The following PDE7B variants were observed in gnomAD, a reference collection of about 807,000 sequenced individuals.
PDE7B encodes phosphodiesterase 7B.
A neutral mutation model predicts 56.2 loss-of-function variants in PDE7B; 29 were observed. The ratio of observed to expected loss-of-function variants is 0.52; its 90% CI spans 0.38 to 0.70. The LOEUF is 0.70. PDE7B is among the 30% of genes least tolerant of loss of function. PDE7B has a pLI of 0.00. For missense variants in PDE7B, 490 were observed against 565.0 expected (o/e 0.87, Z 1.35); for synonymous variants, 197 against 196.9 (o/e 1.00, Z 0.00).
At chr6:135,931,935 G>A (rs970540221) in intron 1 of PDE7B, among the ~76,000 whole-genome samples, 2 of 111,206 alleles carry the variant, frequency 1.8e-5, no homozygotes, top group Admixed American at 1.0e-4. Context: ...TTGTTACCGC[G>A]CACACACACA....
intron 2 of PDE7B, among the ~76,000 whole-genome samples, chr6:136,082,610 G>A (rs1009711052): frequency 2.6e-5 from 4 of 152,108 alleles, no homozygotes; most frequent in Admixed American, 6.5e-5. Flanking sequence ...CAAATGCCTC[G>A]GCTATGAATG....
intron 2 of PDE7B, among the ~76,000 whole-genome samples, chr6:136,062,669 C>T (rs978602632): frequency 5.6e-4 from 86 of 152,290 alleles, no homozygotes; most frequent in African/African-American, 1.8e-3. Context: ...ATTACAGGCA[C>T]GAGAAGAGCA....
At chr6:136,056,289 C>T (rs1776730091) in intron 2 of PDE7B, among the ~76,000 whole-genome samples, 2 of 152,260 alleles carry the variant, frequency 1.3e-5, no homozygotes, top group Admixed American at 6.5e-5. Flanking sequence ...TAATTAAGGG[C>T]CAGCCAAGAT....
intron 2 of PDE7B, among the ~76,000 whole-genome samples, chr6:135,952,195 T>A (rs2128200179): frequency 6.6e-6 from 1 of 152,256 alleles, no homozygotes; most frequent in South Asian, 2.1e-4. Flanking sequence ...CATCAATAAG[T>A]TGATGCATAA....
chr6:135,865,345 A>G (rs372480039), intron 1 of PDE7B, among the ~76,000 whole-genome samples: 2 of 152,140 alleles, frequency 1.3e-5, no homozygotes, highest in South Asian at 2.1e-4. Flanking sequence ...TCTGTATCTA[A>G]TCTGTCATTT....
intron 1 of PDE7B, among the ~76,000 whole-genome samples, chr6:135,862,417 C>G (rs1775167825): frequency 6.6e-6 from 1 of 151,734 alleles, no homozygotes; most frequent in Non-Finnish European, 1.5e-5. Context: ...ACTCATTACT[C>G]TGTTTCTGAA....
chr6:135,886,616 T>C (rs1191401307), intron 1 of PDE7B, among the ~76,000 whole-genome samples: 2 of 152,148 alleles, frequency 1.3e-5, no homozygotes, highest in Admixed American at 1.3e-4. Flanking sequence ...TGAGATTATA[T>C]GATATTTGCT....
At chr6:135,894,439 G>A (rs973044840) in intron 1 of PDE7B, among the ~76,000 whole-genome samples, 2 of 152,082 alleles carry the variant, frequency 1.3e-5, no homozygotes, top group East Asian at 3.8e-4. Context: ...ACACTTTTCC[G>A]TCTCAGGAAA....
At chr6:135,995,476 G>A (rs1775549610) in intron 2 of PDE7B, among the ~76,000 whole-genome samples, 1 of 152,196 alleles carries the variant, frequency 6.6e-6, no homozygotes, top group South Asian at 2.1e-4. Flanking sequence ...TAATCAGCCA[G>A]TGAAGACACT....
intron 1 of PDE7B, among the ~76,000 whole-genome samples, chr6:135,852,527 C>G (rs1774959213): frequency 1.3e-5 from 2 of 151,964 alleles, no homozygotes; most frequent in South Asian, 4.2e-4. Flanking sequence ...AGGGAAGAAG[C>G]TGATAGTGAG....
intron 8 of PDE7B, among the ~76,000 whole-genome samples, chr6:136,160,904 A>G (rs1043196320): frequency 6.6e-6 from 1 of 152,300 alleles, no homozygotes; most frequent in East Asian, 1.9e-4. Context: ...AACAAAACAA[A>G]TAAAAAAGTC....
intron 2 of PDE7B, among the ~76,000 whole-genome samples, chr6:136,082,053 G>A (rs1246325958): frequency 1.3e-5 from 2 of 152,186 alleles, no homozygotes; most frequent in African/African-American, 4.8e-5. Context: ...CTACTGGTGG[G>A]AGGCCCACAC....
intron 12 of PDE7B, among the ~76,000 whole-genome samples, chr6:136,188,462 C>G (rs947054985): frequency 5.9e-5 from 9 of 152,132 alleles, no homozygotes; most frequent in Middle Eastern, 3.2e-3. Flanking sequence ...AGGCAATTCT[C>G]TCCTATCAAT....
intron 12 of PDE7B, among the ~76,000 whole-genome samples, chr6:136,191,387 C>T (rs1779221764): frequency 6.6e-6 from 1 of 152,228 alleles, no homozygotes; most frequent in Non-Finnish European, 1.5e-5. Flanking sequence ...CTAAGTAAGG[C>T]CGGGCACAGT....
chr6:135,872,145 G>A (rs1353787373), intron 1 of PDE7B, among the ~76,000 whole-genome samples: 1 of 152,136 alleles, frequency 6.6e-6, no homozygotes, highest in Non-Finnish European at 1.5e-5. Flanking sequence ...AAGGCTTGGT[G>A]CTTGCAGCAA....
chr6:135,874,515 C>T (rs1487337659), intron 1 of PDE7B, among the ~76,000 whole-genome samples: 1 of 152,038 alleles, frequency 6.6e-6, no homozygotes, highest in Admixed American at 6.6e-5. Flanking sequence ...CTTTAGATTT[C>T]TTAAGTGTGA....
intron 2 of PDE7B, among the ~76,000 whole-genome samples, chr6:136,097,221 GC>G (rs1366016950): frequency 2.0e-5 from 3 of 152,032 alleles, no homozygotes; most frequent in Non-Finnish European, 4.4e-5. Flanking sequence ...TTCCCCCTAA[GC>G]CCCAGACCCG....
rs926367956 is a variant in PDE7B at position 135,947,313 on chromosome 6, GT to G, written c.22-150del. Reference sequence around the variant, plus strand: ...CCTCAAATATTTTACTACCAGGCAAGTCTCTGCTCATGACATAAGTCCCTAG... The same window carrying G: ...CCTCAAATATTTTACTACCAGGCAAGCTCTGCTCATGACATAAGTCCCTAG... On this transcript the variant is annotated intron_variant, in intron 1 of 12. Coordinates refer to ENST00000308191, the MANE Select transcript of PDE7B (RefSeq NM_018945.4). 4.6e-6 allele frequency: 3 copies of G among 654,566 alleles called. No individual in the cohort carries two copies. In the African/African-American group the frequency reaches 5.4e-5, roughly 12 times the overall value. The allele number at this position is 654,566 out of a possible 1,614,324, so 40.5% of individuals were successfully genotyped here.
intron 2 of PDE7B, among the ~76,000 whole-genome samples, chr6:136,026,735 G>A (rs1490792553): frequency 3.3e-5 from 5 of 152,134 alleles, no homozygotes; most frequent in Non-Finnish European, 5.9e-5. Flanking sequence ...GATTCAATAA[G>A]GAATTGCATA....
Sources: gnomAD v4.1 joint callset for allele counts (sites outside exome capture counted in the v4.1 genomes callset) on GRCh38, gnomAD v4.1.1 for gene constraint, MANE v1.5 for transcripts, NCBI Gene and HGNC (gene_info 2026-07-23, HGNC 2026-07-21) for gene names.